Variants in MYOM1 observed in about 807,000 individuals in gnomAD.
The protein encoded by MYOM1 is myomesin-1.
A neutral mutation model predicts 205.3 loss-of-function variants in MYOM1; 164 were observed. The ratio of observed to expected loss-of-function variants is 0.80; its 90% confidence interval spans 0.70 to 0.91. MYOM1 has a LOEUF of 0.91. MYOM1 is among the 40% of genes least tolerant of loss of function. The pLI is 0.00. For synonymous variants in MYOM1, 772 were observed against 789.4 expected, an observed-to-expected ratio of 0.98 and a Z score of 0.37; for missense variants, 2,011 against 2,127.3, an observed-to-expected ratio of 0.95 and a Z score of 1.08.
intron 8 of MYOM1, among the ~76,000 whole-genome samples, chr18:3,173,344 C>T (rs1461449357): frequency 6.6e-5 from 10 of 152,108 alleles, no homozygotes. Flanking sequence ...GCAGGCCCAA[C>T]CTTGCCTTCA....
chr18:3,097,335 ATT>A (rs2079318455), intron 25 of MYOM1, among the ~76,000 whole-genome samples: 1 of 152,188 alleles, frequency 6.6e-6, no homozygotes, highest in Non-Finnish European at 1.5e-5. Context: ...GAGTTTTAGT[ATT>A]GAAAAATGTT....
rs1379434546 is a variant in MYOM1 at position 3,187,374 on chromosome 18, T to C, written c.929+106A>G. On this transcript the variant is annotated intron_variant, in intron 5 of 37. Transcript: ENST00000356443. ...TCTTTTAAAAACCTATACAATCTTG[T>C]AGATGTCTTCATTGACTCTTGCATA... 5 of 1,250,634 alleles carry C rather than the reference T, an allele frequency of 4.0e-6. No individual in the cohort carries two copies. The East Asian group carries it at 9.4e-5, about 24-fold the overall frequency. The allele number at this position is 1,250,634 out of a possible 1,614,324, so 77.5% of individuals were successfully genotyped here. A position where few individuals can be genotyped will look rare whatever the true frequency, so the allele number is the denominator to read the frequency against.
At position 3,067,235 on chromosome 18, in the gene MYOM1, G is replaced by T. The variant is rs1272445651; in HGVS notation, c.*27C>A. Reference sequence around the variant, plus strand: ...AACCATTCACACCCAAGTCACACAGGCCGGCTGGCTCTCCTCGCACCTCCG... The same window carrying T: ...AACCATTCACACCCAAGTCACACAGTCCGGCTGGCTCTCCTCGCACCTCCG... On this transcript the variant is annotated 3_prime_UTR_variant, in exon 38 of 38. Coordinates refer to ENST00000356443, the MANE Select transcript of MYOM1 (RefSeq NM_003803.4). 2 of 1,559,420 alleles carry T rather than the reference G, an allele frequency of 1.3e-6. No homozygotes were observed. The highest frequency in any genetic ancestry group is 2.4e-5 in the East Asian group (1 of 42,052).
At chr18:3,129,642 A>G in intron 17 of MYOM1, 123 bp from the exon 18 acceptor site, 1 of 1,052,674 alleles carries the variant, frequency 9.5e-7, no homozygotes, top group East Asian at 2.6e-5. Context: ...TCTTGGCTTA[A>G]AGAAAATCGC....
chr18:3,234,770 A>T, the MYOM1 span, among the ~76,000 whole-genome samples: 1 of 151,880 alleles, frequency 6.6e-6, no homozygotes, highest in Non-Finnish European at 1.5e-5. Context: ...TTTCCCTTTT[A>T]CCCTGCATGT....
chr18:3,176,610 C>T (rs2080644399), intron 5 of MYOM1, among the ~76,000 whole-genome samples: 1 of 152,136 alleles, frequency 6.6e-6, no homozygotes, highest in African/African-American at 2.4e-5. Context: ...TTCACTAAAG[C>T]AATTCATTTG....
At chr18:3,149,310 T>C in intron 12 of MYOM1, 109 bp from the exon 13 acceptor site, 1 of 818,496 alleles carries the variant, frequency 1.2e-6, no homozygotes, top group Non-Finnish European at 2.0e-6. Context: ...GGTTTGTTAC[T>C]AATAGACTTA....
At chr18:3,205,667 T>G (rs138637801) in intron 2 of MYOM1, among the ~76,000 whole-genome samples, 1 of 152,196 alleles carries the variant, frequency 6.6e-6, no homozygotes, top group Non-Finnish European at 1.5e-5. Context: ...TAGTTTCTTA[T>G]AGAGTTAAAT....
In MYOM1 at chr18:3,174,058, C is replaced by A. The variant is rs10153428; in HGVS notation, c.1112-58G>T. 506,366 of 1,603,972 alleles carry A rather than the reference C, an allele frequency of 0.32. 81,317 individuals carry two copies. Among genetic ancestry groups the A allele is most frequent in the African/African-American group, 0.41 (30,545 of 74,724 alleles). On this transcript the variant is annotated intron_variant, in intron 7 of 37. Transcript: ENST00000356443. ...CTTTGTGATCGATTTATTTTAAAAC[C>A]ATGGGAAGAAATTTTTAAAAACACA...
intron 13 of MYOM1, among the ~76,000 whole-genome samples, chr18:3,146,775 G>A (rs867941759): frequency 1.3e-5 from 2 of 151,616 alleles, no homozygotes; most frequent in African/African-American, 4.8e-5. Flanking sequence ...GAGCAATAAG[G>A]AAAGAAAAAG....
At chr18:3,213,708 A>G (rs1392466106) in intron 2 of MYOM1, among the ~76,000 whole-genome samples, 1 of 152,236 alleles carries the variant, frequency 6.6e-6, no homozygotes, top group African/African-American at 2.4e-5. Flanking sequence ...CTTCTCTAAT[A>G]TCAAAGACAA....
chr18:3,096,143 C>T (rs1051239451), intron 25 of MYOM1, among the ~76,000 whole-genome samples: 10 of 152,090 alleles, frequency 6.6e-5, no homozygotes, highest in East Asian at 5.8e-4. Context: ...CAAATGTGGC[C>T]GTGCCTACAT....
At chr18:3,069,083 CT>C (rs939784639) in intron 37 of MYOM1, among the ~76,000 whole-genome samples, 1 of 151,410 alleles carries the variant, frequency 6.6e-6, no homozygotes, top group Middle Eastern at 3.4e-3. Context: ...CCCATGTTTT[CT>C]TTTTTTTTCC....
At chr18:3,150,149 TC>T (rs2143982252) in intron 12 of MYOM1, among the ~76,000 whole-genome samples, 1 of 152,268 alleles carries the variant, frequency 6.6e-6, no homozygotes, top group East Asian at 1.9e-4. Context: ...AACCTCCGCC[TC>T]CCGGGTTCAA....
chr18:3,142,588 T>C (rs1005667289), intron 13 of MYOM1, among the ~76,000 whole-genome samples: 5 of 63,586 alleles, frequency 7.9e-5, no homozygotes, highest in Middle Eastern at 5.2e-3. Flanking sequence ...TCATTTAGAA[T>C]ATAGAGCTAA....
At chr18:3,090,544 A>G (rs748068118) in intron 27 of MYOM1, 114 bp downstream of exon 27, 75 of 1,352,388 alleles carry the variant, frequency 5.5e-5, no homozygotes, top group Non-Finnish European at 7.3e-5. Flanking sequence ...GAACATTAGA[A>G]GTCAATTAAG....
Position 3,189,258 on chromosome 18 carries a change from T to G in MYOM1, c.432-171A>C, listed in dbSNP as rs1167860031. On this transcript the variant is annotated intron_variant, in intron 3 of 37. Coordinates refer to ENST00000356443, the MANE Select transcript of MYOM1 (RefSeq NM_003803.4). This position sits in a 1 kb window ranked among gnomAD's most constrained non-coding sequence, Gnocchi z 4.8. ...GCTGACACTTCATGTACAGAAGTATTCCTCACCTTAACAAATAACAACAAT... is the reference window on the plus strand; with the variant it reads ...GCTGACACTTCATGTACAGAAGTATGCCTCACCTTAACAAATAACAACAAT... Among the ~76,000 whole-genome samples the G allele has an allele frequency of 6.6e-6, 1 of 152,102 alleles. No individual in the cohort carries two copies. Among genetic ancestry groups the G allele is most frequent in the Non-Finnish European group, 1.5e-5 (1 of 68,014 alleles).
chr18:3,213,484 C>T (rs1483214399), intron 2 of MYOM1, among the ~76,000 whole-genome samples: 1 of 152,158 alleles, frequency 6.6e-6, no homozygotes, highest in Non-Finnish European at 1.5e-5. Context: ...TTTTAATCTC[C>T]ATGAAATATT....
chr18:3,110,582 C>T (rs1339467295), intron 22 of MYOM1, among the ~76,000 whole-genome samples: 1 of 152,150 alleles, frequency 6.6e-6, no homozygotes, highest in Non-Finnish European at 1.5e-5. Context: ...ACTCTCAGCA[C>T]ATGTACAGAA....
Sources: gnomAD v4.1 joint callset for allele counts (sites outside exome capture counted in the v4.1 genomes callset) on GRCh38, gnomAD v4.1.1 for gene constraint, Gnocchi (gnomAD v3.1) non-coding constraint, MANE v1.5 for transcripts, NCBI Gene and HGNC (gene_info 2026-07-23, HGNC 2026-07-21) for gene names.